Variants in PROC observed in about 807,000 individuals in gnomAD.
PROC encodes protein C, inactivator of coagulation factors Va and VIIIa.
A neutral mutation model predicts 36.3 loss-of-function variants in PROC; 22 were observed. That is an observed-to-expected ratio of 0.61 (90% CI 0.43 to 0.86). The LOEUF (loss-of-function observed/expected upper bound fraction) is 0.86, where lower values mean the gene tolerates loss of function less well. PROC is among the 40% of genes least tolerant of loss of function. The pLI, the probability that PROC is intolerant of heterozygous loss-of-function variation, is 0.00. For synonymous variants in PROC, 218 were observed against 244.5 expected (o/e 0.89, Z 1.01); for missense variants, 526 against 629.7 (o/e 0.84, Z 1.76).
At position 127,426,086 on chromosome 2, in the gene PROC, G is replaced by T; in HGVS notation, c.537G>T (p.Val179=). ...GDDLLQCHPA[V]KFPCGRPWKR... is the part of the protein sequence containing the mutation. ...CCTCACCACCTCTGCCTACCTCAGTGAAGTTCCCTTGTGGGAGGCCCTGGA... is the reference window on the plus strand; with the variant it reads ...CCTCACCACCTCTGCCTACCTCAGTTAAGTTCCCTTGTGGGAGGCCCTGGA... The change falls in exon 7 of 9, where the codon GTG becomes GTT. Residue 179 remains valine, a splice_region_variant and synonymous_variant. Coordinates refer to ENST00000234071, the MANE Select transcript of PROC (RefSeq NM_000312.4). The surrounding 1 kb of genome is among the most constrained non-coding windows in gnomAD (Gnocchi z 7.0). 3.1e-6 allele frequency: 5 copies of T among 1,614,084 alleles called. No individual in the cohort carries two copies. Among genetic ancestry groups the T allele is most frequent in the South Asian group, 2.2e-5 (2 of 91,088 alleles).
intron 2 of PROC, among the ~76,000 whole-genome samples, chr2:127,420,315 C>T (rs544374738): frequency 6.6e-6 from 1 of 152,276 alleles, no homozygotes; most frequent in South Asian, 2.1e-4. Context: ...CCACTCACTC[C>T]CTCAACTGTG....
chr2:127,421,267 C>T lies in PROC; in HGVS notation c.71-16C>T. The T allele has an allele frequency of 3.7e-6, 6 of 1,613,404 alleles. No individual in the cohort carries two copies. Among genetic ancestry groups the T allele is most frequent in the Non-Finnish European group, 5.1e-6 (6 of 1,179,836 alleles). The stretch of plus-strand genomic sequence containing the variant: ...GCCCCTCCACCAAGGTGAGCTCCCC[C>T]TCCCTCCAAAACCAGACTCAGTGTT... On this transcript the variant is annotated splice_polypyrimidine_tract_variant and intron_variant, in intron 2 of 8. Coordinates refer to ENST00000234071, the MANE Select transcript of PROC (RefSeq NM_000312.4).
At chr2:127,419,837 G>A in intron 1 of PROC, 85 bp from the exon 2 acceptor site, 1 of 1,605,404 alleles carries the variant, frequency 6.2e-7, no homozygotes, top group East Asian at 2.3e-5. Flanking sequence ...CACAGGGACA[G>A]CCCTTTCATT....
At chr2:127,419,523 C>G (rs530561842) in intron 1 of PROC, among the ~76,000 whole-genome samples, 69 of 152,322 alleles carry the variant, frequency 4.5e-4, no homozygotes, top group South Asian at 2.7e-3. Flanking sequence ...GAATTTGCAC[C>G]GTGCAGTCTG....
At chr2:127,421,240 A>G in intron 2 of PROC, 43 bp from the exon 3 acceptor site, 2 of 1,606,884 alleles carry the variant, frequency 1.2e-6, no homozygotes, top group South Asian at 2.2e-5. Context: ...AGCCCCTCTT[A>G]GGCCCCTCCA....
rs567855240 is a variant in PROC, at chr2:127,424,798, C to T, written c.536-1287C>T. 3.1e-4 allele frequency among the ~76,000 whole-genome samples: 47 copies of T among 152,316 alleles called. No homozygotes were observed. The South Asian group carries it at 6.8e-3, about 22-fold the overall frequency. Reference sequence around the variant, plus strand: ...TTGGCCTGTGGGTTTCCTGCAAGGCCTTGGGAAGGCCCTGTCATTGGCAGA... The same window carrying T: ...TTGGCCTGTGGGTTTCCTGCAAGGCTTTGGGAAGGCCCTGTCATTGGCAGA... On this transcript the variant is annotated intron_variant, in intron 6 of 8. Coordinates refer to ENST00000234071, the MANE Select transcript of PROC (RefSeq NM_000312.4).
intron 8 of PROC, among the ~76,000 whole-genome samples, chr2:127,427,765 G>T (rs949298866): frequency 1.3e-5 from 2 of 152,372 alleles, no homozygotes; most frequent in East Asian, 3.9e-4. Flanking sequence ...AGCATATTGA[G>T]AAAGGCCAAA....
chr2:127,419,393 C>T (rs1687958064), intron 1 of PROC, among the ~76,000 whole-genome samples: 1 of 152,188 alleles, frequency 6.6e-6, no homozygotes, highest in African/African-American at 2.4e-5. Context: ...TTAATTCTCA[C>T]AACACCCTTT....
Position 127,423,545 on chromosome 2 carries a change from G to A in PROC, c.535+137G>A, listed in dbSNP as rs773275874. ...GAACAGAGTTGAGCCTTGGGGCAGC[G>A]GCAGACGCGCCCCAACACCGGGGCC... On this transcript the variant is annotated intron_variant, in intron 6 of 8. Transcript: ENST00000234071. The A allele has an allele frequency of 2.0e-5, 24 of 1,193,610 alleles. No homozygotes were observed. The South Asian group carries it at 2.9e-4, about 14-fold the overall frequency. 73.9% of individuals were successfully genotyped at this position (1,193,610 alleles called of 1,614,324 possible). A position where few individuals can be genotyped will look rare whatever the true frequency, so the allele number is the denominator to read the frequency against.
rs1373722622 is a variant in PROC, at chr2:127,426,864, G to T, written c.679-241G>T. Among the ~76,000 whole-genome samples, 2 of 152,220 alleles carry T rather than the reference G, an allele frequency of 1.3e-5. No individual in the cohort carries two copies. Among genetic ancestry groups the T allele is most frequent in the Non-Finnish European group, 2.9e-5 (2 of 68,036 alleles). On this transcript the variant is annotated intron_variant, in intron 7 of 8. Transcript: ENST00000234071. The surrounding 1 kb of genome is among the most constrained non-coding windows in gnomAD (Gnocchi z 7.0). ...GAGAGGAGCTCGCTGGGCGATGTTG[G>T]GTGTGGCTGAGGGTGACTGAAACAG...
In PROC at chr2:127,418,563, T is replaced by A; in HGVS notation, c.-22+71T>A. The A allele has an allele frequency of 8.1e-7, 1 of 1,241,680 alleles. No individual in the cohort carries two copies. Among genetic ancestry groups the A allele is most frequent in the African/African-American group, 1.5e-5 (1 of 64,612 alleles). 76.9% of individuals were successfully genotyped at this position (1,241,680 alleles called of 1,614,324 possible). ...CTGCCCCCGGGAGAAGAGAGCTAGGTGGTGATGAGGGCTGAATCCTCCAGC... is the reference window on the plus strand; with the variant it reads ...CTGCCCCCGGGAGAAGAGAGCTAGGAGGTGATGAGGGCTGAATCCTCCAGC... On this transcript the variant is annotated intron_variant, in intron 1 of 8. Transcript: ENST00000234071. This position sits in a 1 kb window ranked among gnomAD's most constrained non-coding sequence, Gnocchi z 4.8.
rs779507789 is a variant in PROC at position 127,423,265 on chromosome 2, T to C, written c.401-9T>C. ...AGCACCAGCTGCCCGCGCCCTCCCC[T>C]GCCCGCAGAGGTGAGCTTCCTCAAT... On this transcript the variant is annotated splice_polypyrimidine_tract_variant and intron_variant, in intron 5 of 8. Coordinates refer to ENST00000234071, the MANE Select transcript of PROC (RefSeq NM_000312.4). 2.6e-6 allele frequency: 4 copies of C among 1,545,030 alleles called. No individual in the cohort carries two copies. In the East Asian group the frequency reaches 7.4e-5, roughly 29 times the overall value.
In PROC at chr2:127,428,786, C is replaced by T. The variant is rs1688702969; in HGVS notation, c.1226C>T (p.Ser409Phe). 6.2e-7 allele frequency: 1 copy of T among 1,612,184 alleles called. No individual in the cohort carries two copies. The highest frequency in any genetic ancestry group is 8.5e-7 in the Non-Finnish European group (1 of 1,179,070). The change falls in exon 9 of 9, where the codon TCC becomes TTC. Residue 409 changes from serine (S) to phenylalanine (F), a missense_variant. Coordinates refer to ENST00000234071, the MANE Select transcript of PROC (RefSeq NM_000312.4). ...EGDSGGPMVASFHGTWFLVGL... is the reference protein window; with the variant it reads ...EGDSGGPMVAFFHGTWFLVGL... ...GACAGTGGGGGGCCCATGGTCGCCT[C>T]CTTCCACGGCACCTGGTTCCTGGTG...
chr2:127,423,474 G>C (rs939526298), intron 6 of PROC, 66 bp downstream of exon 6: 33 of 1,523,892 alleles, frequency 2.2e-5, no homozygotes, highest in Non-Finnish European at 2.8e-5. Flanking sequence ...CCCCCTGACG[G>C]GGCGCGGCGC....
rs959271283 is a variant in PROC at position 127,428,841 on chromosome 2, G to T, written c.1281G>T (p.Gly427=). ...VGLVSWGEGC[G]LLHNYGVYTK... ...TGGTGAGCTGGGGTGAGGGCTGTGGGCTCCTTCACAACTACGGCGTTTACA... is the reference window on the plus strand; with the variant it reads ...TGGTGAGCTGGGGTGAGGGCTGTGGTCTCCTTCACAACTACGGCGTTTACA... The change falls in exon 9 of 9, where the codon GGG becomes GGT. Residue 427 remains glycine, a synonymous_variant. Transcript: ENST00000234071. The T allele has an allele frequency of 1.2e-6, 2 of 1,612,802 alleles. No homozygotes were observed. The highest frequency in any genetic ancestry group is 1.7e-6 in the Non-Finnish European group (2 of 1,179,296).
chr2:127,426,268 C>T lies in PROC; in HGVS notation c.678+41C>T, dbSNP rs372952034. 1.9e-5 allele frequency: 30 copies of T among 1,613,176 alleles called. No individual in the cohort carries two copies. Among genetic ancestry groups the T allele is most frequent in the African/African-American group, 6.7e-5 (5 of 74,896 alleles). Reference sequence around the variant, plus strand: ...GCACCGGCTGCTCACGTGCTGGGTCCGGGATCACTGAGTCCATCCTGGCAG... The same window carrying T: ...GCACCGGCTGCTCACGTGCTGGGTCTGGGATCACTGAGTCCATCCTGGCAG... On this transcript the variant is annotated intron_variant, in intron 7 of 8. Transcript: ENST00000234071. This position sits in a 1 kb window ranked among gnomAD's most constrained non-coding sequence, Gnocchi z 7.0.
At chr2:127,428,232 C>T (rs539120803) in intron 8 of PROC, 125 bp from the exon 9 acceptor site, 14 of 929,594 alleles carry the variant, frequency 1.5e-5, no homozygotes, top group East Asian at 5.3e-5. Context: ...GCACAGTCTC[C>T]GGGTGAACCT....
In PROC at chr2:127,428,886, C is replaced by T. The variant is rs748650244; in HGVS notation, c.1326C>T (p.Leu442=). 4.0e-5 allele frequency: 65 copies of T among 1,613,818 alleles called. No individual in the cohort carries two copies. The highest frequency in any genetic ancestry group is 2.5e-4 in the South Asian group (23 of 91,090). Residue 442 remains leucine (L), a synonymous_variant, in exon 9 of 9, where the codon CTC becomes CTT. Transcript: ENST00000234071. The part of the protein sequence containing the change: ...YGVYTKVSRY[L]DWIHGHIRDK... Reference sequence around the variant, plus strand: ...TTTACACCAAAGTCAGCCGCTACCTCGACTGGATCCATGGGCACATCAGAG... The same window carrying T: ...TTTACACCAAAGTCAGCCGCTACCTTGACTGGATCCATGGGCACATCAGAG...
intron 6 of PROC, among the ~76,000 whole-genome samples, chr2:127,424,404 G>T (rs1041579947): frequency 1.4e-4 from 22 of 152,106 alleles, no homozygotes; most frequent in Non-Finnish European, 1.0e-4. Flanking sequence ...TCTCCGTGTT[G>T]GTCAAGCTGG....
Sources: gnomAD v4.1 joint callset for allele counts (sites outside exome capture counted in the v4.1 genomes callset) on GRCh38, gnomAD v4.1.1 for gene constraint, Gnocchi (gnomAD v3.1) non-coding constraint, MANE v1.5 for transcripts, NCBI Gene and HGNC (gene_info 2026-07-23, HGNC 2026-07-21) for gene names.